The following MCOLN3 variants were observed in gnomAD, a reference collection of about 807,000 sequenced individuals.
MCOLN3 encodes the protein mucolipin TRP cation channel 3.
Under a neutral mutation model 69.4 loss-of-function variants are expected in MCOLN3, and 62 were observed. The ratio of observed to expected loss-of-function variants is 0.89; its 90% CI spans 0.73 to 1.10. MCOLN3 has a LOEUF of 1.10. MCOLN3 is among the 50% of genes least tolerant of loss of function. The pLI is 0.00. For missense variants in MCOLN3, 564 were observed against 656.4 expected, an observed-to-expected ratio of 0.86 and a Z score of 1.54; for synonymous variants, 183 against 217.0, an observed-to-expected ratio of 0.84 and a Z score of 1.38.
intron 9 of MCOLN3, chr1:85,023,125 G>A (rs1241442137): frequency 7.1e-6 from 1 of 141,298 alleles, no homozygotes; most frequent in Non-Finnish European, 1.5e-5. Context: ...CTGTCACCCA[G>A]GCTGGAGTGC....
At chr1:85,028,980 G>GTA in intron 7 of MCOLN3, 126 bp downstream of exon 7, 1 of 634,476 alleles carries the variant, frequency 1.6e-6, no homozygotes, top group Non-Finnish European at 2.8e-6. Flanking sequence ...TACTTGTAGA[G>GTA]GTTTAGGGAC....
At chr1:85,030,179 C>G (rs1036811869) in intron 6 of MCOLN3, among the ~76,000 whole-genome samples, 3 of 152,222 alleles carry the variant, frequency 2.0e-5, no homozygotes. Context: ...CTCAGTGTTA[C>G]TTGATTGAGT....
At chr1:85,027,330 A>T (rs1030479275) in intron 7 of MCOLN3, among the ~76,000 whole-genome samples, 1 of 152,250 alleles carries the variant, frequency 6.6e-6, no homozygotes, top group Non-Finnish European at 1.5e-5. Flanking sequence ...TAAACACTTT[A>T]TATGTGTTAA....
At chr1:85,031,565 G>A (rs182546030) in intron 6 of MCOLN3, among the ~76,000 whole-genome samples, 50 of 152,062 alleles carry the variant, frequency 3.3e-4, no homozygotes, top group Admixed American at 1.2e-3. Context: ...TAAAAAGGAA[G>A]GCAAAATACT....
intron 6 of MCOLN3, among the ~76,000 whole-genome samples, chr1:85,030,466 A>C (rs919762710): frequency 2.0e-5 from 3 of 152,248 alleles, no homozygotes; most frequent in African/African-American, 7.2e-5. Flanking sequence ...TAAAACAAAC[A>C]GATCATTACT....
chr1:85,032,647 A>C, intron 6 of MCOLN3, 49 bp downstream of exon 6: 2 of 1,379,534 alleles, frequency 1.4e-6, no homozygotes, highest in Non-Finnish European at 2.1e-6. Context: ...TACCAGATAA[A>C]ACAATTTTTC....
At position 85,026,246 on chromosome 1, in the gene MCOLN3, A is replaced by T. The variant is rs147897040; in HGVS notation, c.871T>A (p.Phe291Ile). ...GAAACCAAGCAAGTCAGAATGACAA[A>T]GGCATCAAAGATCATCATGTAATGA... ...NTHYMMIFDA[F>I]VILTCLVSLI... The change falls in exon 8 of 13, where the codon TTT becomes ATT. Residue 291 changes from phenylalanine to isoleucine, a missense_variant. By Grantham distance (21) the Phe-to-Ile change is conservative (BLOSUM62 0). Transcript: ENST00000370589. 6 of 1,614,168 alleles carry T rather than the reference A, an allele frequency of 3.7e-6. No individual in the cohort carries two copies. Among genetic ancestry groups the T allele is most frequent in the Non-Finnish European group, 5.1e-6 (6 of 1,179,996 alleles).
rs1651792383 is a variant in MCOLN3, at chr1:85,018,964, A to G, written c.*159T>C. The G allele has an allele frequency of 1.6e-6, 1 of 637,672 alleles. No individual in the cohort carries two copies. The highest frequency in any genetic ancestry group is 3.6e-5 in the Admixed American group (1 of 27,860). 39.5% of individuals were successfully genotyped at this position (637,672 alleles called of 1,614,324 possible). On this transcript the variant is annotated 3_prime_UTR_variant, in exon 13 of 13. Transcript: ENST00000370589. Reference sequence around the variant, plus strand: ...GCATAAAGTTGCAAAGACATTAAATATTGCTTTTAAAAATATAAACAGTTA... The same window carrying G: ...GCATAAAGTTGCAAAGACATTAAATGTTGCTTTTAAAAATATAAACAGTTA...
intron 3 of MCOLN3, 107 bp from the exon 4 acceptor site, chr1:85,034,358 A>G (rs1652700915): frequency 3.6e-6 from 4 of 1,121,912 alleles, no homozygotes; most frequent in East Asian, 5.0e-5. Flanking sequence ...CCCTTGGGAT[A>G]GAGACATTCA....
intron 1 of MCOLN3, among the ~76,000 whole-genome samples, chr1:85,046,513 T>A (rs1398305074): frequency 6.6e-6 from 1 of 152,178 alleles, no homozygotes; most frequent in Non-Finnish European, 1.5e-5. Context: ...CCATACGGAA[T>A]AGAAAGGCAG....
chr1:85,038,431 T>C (rs1015380517), intron 3 of MCOLN3, among the ~76,000 whole-genome samples: 3 of 152,120 alleles, frequency 2.0e-5, no homozygotes, highest in Non-Finnish European at 4.4e-5. Flanking sequence ...AAATAAGGTC[T>C]CTCACATTCA....
At chr1:85,044,587 A>G (rs184853142) in intron 2 of MCOLN3, among the ~76,000 whole-genome samples, 1 of 152,346 alleles carries the variant, frequency 6.6e-6, no homozygotes, top group Non-Finnish European at 1.5e-5. Flanking sequence ...AGGAAATGTG[A>G]TTTAAAAGCT....
rs1169837907 is a variant in MCOLN3 at position 85,037,640 on chromosome 1, T to C, written c.396+3370A>G. 2.0e-5 allele frequency among the ~76,000 whole-genome samples: 3 copies of C among 152,234 alleles called. No homozygotes were observed. In the East Asian group the frequency reaches 5.8e-4, roughly 29 times the overall value. ...TCCTTGAGCTCTTCATATGGCTCTT[T>C]GTGCAGGTCTGAGCATCTGGCAAGA... On this transcript the variant is annotated intron_variant, in intron 3 of 12. Coordinates refer to ENST00000370589, the MANE Select transcript of MCOLN3 (RefSeq NM_018298.11).
At chr1:85,022,669 T>C in intron 9 of MCOLN3, 1 of 260,934 alleles carries the variant, frequency 3.8e-6, no homozygotes, top group Non-Finnish European at 7.3e-6. Context: ...TATGGGTTTG[T>C]CATTTTACAT....
chr1:85,038,358 A>G (rs562389375), intron 3 of MCOLN3, among the ~76,000 whole-genome samples: 1 of 152,346 alleles, frequency 6.6e-6, no homozygotes, highest in South Asian at 2.1e-4. Context: ...AAAAGGAGCC[A>G]ATAAAGCTGA....
chr1:85,021,186 T>A lies in MCOLN3; in HGVS notation c.1411A>T (p.Ser471Cys), dbSNP rs201249447. The A allele has an allele frequency of 6.2e-7, 1 of 1,613,852 alleles. No homozygotes were observed. The highest frequency in any genetic ancestry group is 2.2e-5 in the East Asian group (1 of 44,850). ...CTACTAAACAGCCAGACTAAGTAACTTTTTTGCTGCATTTTTGCAAACGTG... is the reference window on the plus strand; with the variant it reads ...CTACTAAACAGCCAGACTAAGTAACATTTTTGCTGCATTTTTGCAAACGTG... Reference protein sequence around the residue: ...FATFAKMQQKSYLVWLFSRIY... With the variant: ...FATFAKMQQKCYLVWLFSRIY... The change falls in exon 12 of 13, where the codon AGT (serine) becomes TGT (cysteine). Residue 471 changes from serine (S) to cysteine (C), a missense_variant. Transcript: ENST00000370589.
In MCOLN3 at chr1:85,019,142, A is replaced by C. The variant is rs552184772; in HGVS notation, c.1643T>G (p.Phe548Cys). ...RLEDDPPVSL[F>C]CCCKK Reference sequence around the variant, plus strand: ...TGATAGCTACTTTTTACAACAGCAGAATAAAGATACTGGAGGGTCATCTTC... The same window carrying C: ...TGATAGCTACTTTTTACAACAGCAGCATAAAGATACTGGAGGGTCATCTTC... Residue 548 changes from phenylalanine (F) to cysteine (C), a missense_variant, in exon 13 of 13, where the codon TTC (phenylalanine) becomes TGC (cysteine). By Grantham distance (205) the Phe-to-Cys change is radical. Transcript: ENST00000370589. The C allele has an allele frequency of 6.2e-7, 1 of 1,613,696 alleles. No individual in the cohort carries two copies. Among genetic ancestry groups the C allele is most frequent in the East Asian group, 2.2e-5 (1 of 44,860 alleles).
intron 3 of MCOLN3, among the ~76,000 whole-genome samples, chr1:85,037,870 G>C (rs1320418118): frequency 2.0e-5 from 3 of 152,290 alleles, no homozygotes; most frequent in South Asian, 4.1e-4. Flanking sequence ...CGTCCCTCCT[G>C]GTCTCTGCAG....
chr1:85,021,069 C>T lies in MCOLN3; in HGVS notation c.1527+1G>A. 1.2e-6 allele frequency: 2 copies of T among 1,602,552 alleles called. No homozygotes were observed. The highest frequency in any genetic ancestry group is 1.7e-6 in the Non-Finnish European group (2 of 1,173,370). ...CTACTTATGGCTCTTGATAAACCTA[C>T]CTTAATTGTTTCGTATGTATCAGTG... On this transcript the variant is annotated splice_donor_variant, in intron 12 of 12. Coordinates refer to ENST00000370589, the MANE Select transcript of MCOLN3 (RefSeq NM_018298.11). LOFTEE classifies it high-confidence loss of function.
Sources: allele counts gnomAD v4.1 joint callset (sites outside exome capture counted in the v4.1 genomes callset), GRCh38; gene constraint gnomAD v4.1.1; transcripts MANE v1.5; gene names NCBI Gene and HGNC (gene_info 2026-07-23, HGNC 2026-07-21).